The following KDM1B variants were observed in gnomAD, a reference collection of about 807,000 sequenced individuals.
KDM1B encodes the protein lysine-specific histone demethylase 2.
A neutral mutation model predicts 107.4 loss-of-function variants in KDM1B; 63 were observed. That is an observed-to-expected ratio of 0.59 (90% confidence interval 0.48 to 0.72). The LOEUF is 0.72. Ranked by LOEUF, KDM1B falls within the 30% of genes least tolerant of loss-of-function variation. KDM1B has a pLI of 0.00. For missense variants in KDM1B, 749 were observed against 1,020.8 expected (o/e 0.73, Z 3.63); for synonymous variants, 363 against 363.9 (o/e 1.00, Z 0.03).
intron 7 of KDM1B, among the ~76,000 whole-genome samples, chr6:18,183,740 G>GT (rs1786643344): frequency 6.6e-6 from 1 of 152,010 alleles, no homozygotes; most frequent in East Asian, 1.9e-4. Context: ...ATGCATCCAT[G>GT]TTGATGCATC....
intron 10 of KDM1B, among the ~76,000 whole-genome samples, chr6:18,194,571 G>A (rs1787519990): frequency 6.6e-6 from 1 of 152,154 alleles, no homozygotes; most frequent in Non-Finnish European, 1.5e-5. Context: ...TACTGTCTTA[G>A]TGATAAGTGA....
At chr6:18,168,354 G>A (rs550385151) in intron 6 of KDM1B, among the ~76,000 whole-genome samples, 8 of 152,266 alleles carry the variant, frequency 5.3e-5, no homozygotes, top group Non-Finnish European at 7.3e-5. Flanking sequence ...GAATGGAATC[G>A]TGCAACATGT....
intron 10 of KDM1B, among the ~76,000 whole-genome samples, chr6:18,192,732 C>T (rs1440137797): frequency 7.2e-6 from 1 of 138,044 alleles, no homozygotes; most frequent in Non-Finnish European, 1.5e-5. Context: ...TAGTGAGATC[C>T]CGTCTCAAAA....
chr6:18,206,129 G>A (rs564471755), intron 15 of KDM1B, among the ~76,000 whole-genome samples: 3 of 149,686 alleles, frequency 2.0e-5, no homozygotes, highest in South Asian at 2.1e-4. Flanking sequence ...TAACCCCACA[G>A]TGGTTTTGGT....
In KDM1B at chr6:18,197,083, T is replaced by G. The variant is rs945228876; in HGVS notation, c.996T>G (p.Ile332Met). The G allele has an allele frequency of 5.0e-6, 8 of 1,613,724 alleles. No homozygotes were observed. Among genetic ancestry groups the G allele is most frequent in the Non-Finnish European group, 5.9e-6 (7 of 1,179,806 alleles). ...CKEALTPQKC[I>M]PHIIVRGLVR... Reference sequence around the variant, plus strand: ...AAGCTCTTACTCCTCAGAAATGTATTCCTCACATCATCGTCCGGGGTCTCG... The same window carrying G: ...AAGCTCTTACTCCTCAGAAATGTATGCCTCACATCATCGTCCGGGGTCTCG... Residue 332 changes from isoleucine (I) to methionine (M), a missense_variant, in exon 11 of 22, where the codon ATT (isoleucine) becomes ATG (methionine). Physicochemically the swap from Ile to Met is conservative, Grantham distance 10 (BLOSUM62 1). Transcript: ENST00000650836. The surrounding 1 kb of genome is among the most constrained non-coding windows in gnomAD (Gnocchi z 4.5).
intron 15 of KDM1B, among the ~76,000 whole-genome samples, chr6:18,206,932 A>G (rs1185702156): frequency 6.6e-6 from 1 of 152,230 alleles, no homozygotes; most frequent in Non-Finnish European, 1.5e-5. Context: ...TATTTTGAAT[A>G]GAACTCCACG....
In KDM1B at chr6:18,222,065, A is replaced by G. The variant is rs954187736; in HGVS notation, c.*73A>G. ...GAATCACATGTTAAACCTCAGTTTT[A>G]TAAGAGGGGGAAAAAACCGTCTCTA... On this transcript the variant is annotated 3_prime_UTR_variant, in exon 22 of 22. Coordinates refer to ENST00000650836, the MANE Select transcript of KDM1B (RefSeq NM_001364614.2). 2.3e-5 allele frequency: 31 copies of G among 1,350,010 alleles called. No individual in the cohort carries two copies. The highest frequency in any genetic ancestry group is 3.0e-5 in the Non-Finnish European group (28 of 939,344). 83.6% of individuals were successfully genotyped at this position (1,350,010 alleles called of 1,614,324 possible). A position where few individuals can be genotyped will look rare whatever the true frequency, so the allele number is the denominator to read the frequency against.
In KDM1B at chr6:18,200,503, G is replaced by A. The variant is rs763897080; in HGVS notation, c.1286G>A (p.Gly429Asp). The A allele has an allele frequency of 6.2e-7, 1 of 1,614,058 alleles. No individual in the cohort carries two copies. The highest frequency in any genetic ancestry group is 8.5e-7 in the Non-Finnish European group (1 of 1,179,980). Residue 429 changes from glycine (G) to aspartate (D), a missense_variant, in exon 13 of 22, where the codon GGC becomes GAC. Transcript: ENST00000650836. The surrounding 1 kb of genome is among the most constrained non-coding windows in gnomAD (Gnocchi z 4.3). ...GRVWDDKSFK[G>D]VTVGRGAQIV... ...GTCTGGGATGATAAATCTTTTAAAG[G>A]CGTCACAGTGGGAAGAGGAGCTCAG...
rs551389279 is a variant in KDM1B at position 18,173,985 on chromosome 6, C to T, written c.534+2506C>T. Among the ~76,000 whole-genome samples the T allele has an allele frequency of 4.6e-4, 70 of 152,244 alleles. 1 individual carries two copies. In the South Asian group the frequency reaches 0.014, roughly 31 times the overall value. On this transcript the variant is annotated intron_variant, in intron 7 of 21. Coordinates refer to ENST00000650836, the MANE Select transcript of KDM1B (RefSeq NM_001364614.2). ...ATTATTAGTAAAGAGAGGGTTTCAC[C>T]ATGTTGGCCAGGCTGGTCTCGGACT... is the stretch of plus-strand genomic sequence containing the variant.
intron 20 of KDM1B, among the ~76,000 whole-genome samples, chr6:18,217,460 G>A (rs527890578): frequency 1.3e-4 from 19 of 149,590 alleles, no homozygotes; most frequent in Middle Eastern, 3.5e-3. Context: ...CTCACTGCAA[G>A]CTCCGCCTCC....
chr6:18,215,849 C>A (rs73366531), intron 20 of KDM1B, among the ~76,000 whole-genome samples: 3,710 of 151,332 alleles, frequency 0.025, 145 homozygotes, highest in African/African-American at 0.085. Flanking sequence ...TTAAGAGGAG[C>A]CTTGGCCAGC....
rs369431888 is a variant in KDM1B at position 18,186,057 on chromosome 6, G to A, written c.573+247G>A. Among the ~76,000 whole-genome samples, 11 of 152,290 alleles carry A rather than the reference G, an allele frequency of 7.2e-5. No homozygotes were observed. In the South Asian group the frequency reaches 2.3e-3, roughly 32 times the overall value. The stretch of plus-strand genomic sequence containing the variant: ...TTCATTAAAAGGAAACAAAGAGGAA[G>A]ACACAGCTCTCCTGCCTTGCTCTAG... On this transcript the variant is annotated intron_variant, in intron 8 of 21. Coordinates refer to ENST00000650836, the MANE Select transcript of KDM1B (RefSeq NM_001364614.2). This position sits in a 1 kb window ranked among gnomAD's most constrained non-coding sequence, Gnocchi z 5.6.
At chr6:18,166,016 A>T (rs942471) in intron 5 of KDM1B, among the ~76,000 whole-genome samples, 50,151 of 151,850 alleles carry the variant, frequency 0.33, 8,481 homozygotes, top group East Asian at 0.52. Context: ...CAAGGGGAAA[A>T]AAAAGAAAAA....
chr6:18,161,601 C>A, intron 4 of KDM1B, 147 bp downstream of exon 4: 1 of 830,506 alleles, frequency 1.2e-6, no homozygotes, highest in Non-Finnish European at 1.8e-6. Context: ...CCCAGACATT[C>A]TGTACACACC....
rs1360043132 is a variant in KDM1B, at chr6:18,203,839, G to A, written c.1532-1698G>A. Among the ~76,000 whole-genome samples, 1 of 120,176 alleles carries A rather than the reference G, an allele frequency of 8.3e-6. No individual in the cohort carries two copies. Among genetic ancestry groups the A allele is most frequent in the African/African-American group, 3.4e-5 (1 of 29,228 alleles). 78.8% of individuals were successfully genotyped at this position (120,176 alleles called of 152,430 possible). Reference sequence around the variant, plus strand: ...TTGCACTTCAGTCTTGATGACAAGCGAAACTCCGTCTCCAAAAAAAAAAAA... The same window carrying A: ...TTGCACTTCAGTCTTGATGACAAGCAAAACTCCGTCTCCAAAAAAAAAAAA... On this transcript the variant is annotated intron_variant, in intron 14 of 21. Transcript: ENST00000650836. The surrounding 1 kb of genome is among the most constrained non-coding windows in gnomAD (Gnocchi z 5.5).
At chr6:18,184,324 G>A in intron 7 of KDM1B, among the ~76,000 whole-genome samples, 1 of 144,316 alleles carries the variant, frequency 6.9e-6, no homozygotes, top group African/African-American at 2.5e-5. Context: ...GCCCAGGCTG[G>A]AGTTCAGTGT....
rs1789798876 is a variant in KDM1B, at chr6:18,222,067, AAG to A, written c.*78_*79del. ...ATCACATGTTAAACCTCAGTTTTAT[AAG>A]AGGGGGAAAAAACCGTCTCTACATA... On this transcript the variant is annotated 3_prime_UTR_variant, in exon 22 of 22. Coordinates refer to ENST00000650836, the MANE Select transcript of KDM1B (RefSeq NM_001364614.2). 1.9e-5 allele frequency: 25 copies of A among 1,324,182 alleles called. No homozygotes were observed. Among genetic ancestry groups the A allele is most frequent in the Non-Finnish European group, 2.6e-5 (24 of 915,736 alleles). The allele number at this position is 1,324,182 out of a possible 1,614,324, so 82.0% of individuals were successfully genotyped here. A position where few individuals can be genotyped will look rare whatever the true frequency, so the allele number is the denominator to read the frequency against.
At chr6:18,167,386 C>G (rs1785370603) in intron 6 of KDM1B, among the ~76,000 whole-genome samples, 1 of 151,980 alleles carries the variant, frequency 6.6e-6, no homozygotes, top group African/African-American at 2.4e-5. Flanking sequence ...AAATTGACCT[C>G]ATATTCTTTT....
chr6:18,223,420 C>T lies in KDM1B; in HGVS notation c.*1428C>T, dbSNP rs1385396284. On this transcript the variant is annotated 3_prime_UTR_variant, in exon 22 of 22. Transcript: ENST00000650836. ...TCTCAAAAGTTAACCCAAGACAACTCTGATATTTAGGTTATTTGTTGAGAC... is the reference window on the plus strand; with the variant it reads ...TCTCAAAAGTTAACCCAAGACAACTTTGATATTTAGGTTATTTGTTGAGAC... 3 of 144,148 alleles carry T rather than the reference C, an allele frequency of 2.1e-5. No individual in the cohort carries two copies. The highest frequency in any genetic ancestry group is 4.5e-5 in the Non-Finnish European group (3 of 66,948). The allele number at this position is 144,148 out of a possible 1,614,324, so 8.9% of individuals were successfully genotyped here.
Sources: gnomAD v4.1 joint callset for allele counts (sites outside exome capture counted in the v4.1 genomes callset) on GRCh38, gnomAD v4.1.1 for gene constraint, Gnocchi (gnomAD v3.1) non-coding constraint, MANE v1.5 for transcripts, NCBI Gene and HGNC (gene_info 2026-07-23, HGNC 2026-07-21) for gene names.